TSC22D3: variants seen among roughly 807,000 people sequenced by gnomAD.
TSC22D3 encodes the protein TSC22 domain family member 3, also known as TSC22 domain family protein 3.
A neutral mutation model predicts 11.1 loss-of-function variants in TSC22D3; 4 were observed. The ratio of observed to expected loss-of-function variants is 0.36; its 90% CI spans 0.18 to 0.83. TSC22D3 has a LOEUF of 0.83. Among genes scored for constraint, TSC22D3 ranks in the 40% least tolerant of loss-of-function variants. TSC22D3 has a pLI of 0.48. For missense variants in TSC22D3, 118 were observed against 159.4 expected, an observed-to-expected ratio of 0.74 and a Z score of 1.40; for synonymous variants, 77 against 70.3, an observed-to-expected ratio of 1.10 and a Z score of -0.48.
rs146918220 is a variant in TSC22D3 at position 107,723,852 on chromosome X, G to A, written c.321-7902C>T. On this transcript the variant is annotated intron_variant, in intron 1 of 2. Transcript: ENST00000372383. The stretch of plus-strand genomic sequence containing the variant: ...CAGGAGGATCTTGTTGGGGATGGGG[G>A]TGCAGCAGACGAGGGGCTTGTGAAG... 8.3e-3 allele frequency among the ~76,000 whole-genome samples: 936 copies of A among 112,762 alleles called. 7 individuals carry two copies. Among genetic ancestry groups the A allele is most frequent in the Non-Finnish European group, 0.014 (722 of 53,311 alleles).
intron 1 of TSC22D3, among the ~76,000 whole-genome samples, chrX:107,746,411 C>A (rs185021690): frequency 9.0e-6 from 1 of 111,378 alleles, no homozygotes; most frequent in East Asian, 2.8e-4. Context: ...CAGACAGACA[C>A]ACACACACAG....
chrX:107,756,921 C>T (rs1188121501), intron 1 of TSC22D3, among the ~76,000 whole-genome samples: 2 of 112,348 alleles, frequency 1.8e-5, no homozygotes, highest in Non-Finnish European at 3.8e-5. Flanking sequence ...CCTTGGAGCA[C>T]GTGGTGCCCC....
chrX:107,775,212 G>T lies in TSC22D3; in HGVS notation c.208C>A (p.Arg70=), dbSNP rs772278209. Residue 70 remains arginine, a synonymous_variant, in exon 1 of 3, where the codon CGG becomes AGG. Transcript: ENST00000372383. The part of the protein sequence containing the change: ...LNTDKLNSIM[R]QDSLEPVLRD... The stretch of plus-strand genomic sequence containing the variant: ...AGCACCGGCTCTAGCGAATCCTGCC[G>T]CATTATGCTGTTGAGCTTGTCGGTA... The T allele has an allele frequency of 1.7e-5, 20 of 1,210,487 alleles. No homozygotes were observed. The South Asian group carries it at 3.5e-4, about 21-fold the overall frequency.
At chrX:107,749,461 AT>A (rs113700523) in intron 1 of TSC22D3, among the ~76,000 whole-genome samples, 97 of 104,292 alleles carry the variant, frequency 9.3e-4, no homozygotes, top group African/African-American at 8.3e-4. Flanking sequence ...TAGAGTAGTG[AT>A]TTTTTTTTTT....
chrX:107,755,046 C>G (rs1334154505), intron 1 of TSC22D3, among the ~76,000 whole-genome samples: 6 of 111,981 alleles, frequency 5.4e-5, no homozygotes, highest in African/African-American at 2.0e-4. Context: ...ACAATCTCAG[C>G]TGTTACAGAG....
At position 107,739,501 on chromosome X, in the gene TSC22D3, C is replaced by T. The variant is rs182276797; in HGVS notation, c.321-23551G>A. 5.3e-5 allele frequency among the ~76,000 whole-genome samples: 6 copies of T among 112,422 alleles called. No homozygotes were observed. The East Asian group carries it at 1.7e-3, about 31-fold the overall frequency. On this transcript the variant is annotated intron_variant, in intron 1 of 2. Transcript: ENST00000372383. ...TTCCAGATATACTCAAGGTTGACCA[C>T]ACACACGCTGGGGAAACTGTGGCAA... is the stretch of plus-strand genomic sequence containing the variant.
chrX:107,766,681 T>C (rs759035861), intron 1 of TSC22D3, among the ~76,000 whole-genome samples: 2 of 111,419 alleles, frequency 1.8e-5, no homozygotes, highest in African/African-American at 6.5e-5. Flanking sequence ...TTACATTTAC[T>C]GCTGAGTGTG....
chrX:107,764,290 T>G (rs1192005049), intron 1 of TSC22D3, among the ~76,000 whole-genome samples: 1 of 112,273 alleles, frequency 8.9e-6, no homozygotes, highest in East Asian at 2.8e-4. Context: ...GTCTGGCACA[T>G]GAAAGTGTGC....
chrX:107,762,411 A>G (rs1929478366), intron 1 of TSC22D3, among the ~76,000 whole-genome samples: 1 of 112,179 alleles, frequency 8.9e-6, no homozygotes, highest in South Asian at 3.7e-4. Flanking sequence ...CTTATCTCCA[A>G]TGGAAATTTC....
At chrX:107,716,602 C>T in intron 1 of TSC22D3, 1 of 920,651 alleles carries the variant, frequency 1.1e-6, no homozygotes, top group Non-Finnish European at 1.4e-6. Flanking sequence ...GGACCGGCGG[C>T]ACACAGCTCG....
chrX:107,742,678 G>A (rs2147759026), intron 1 of TSC22D3, among the ~76,000 whole-genome samples: 1 of 111,475 alleles, frequency 9.0e-6, no homozygotes, highest in South Asian at 3.8e-4. Context: ...AGGCATCCAA[G>A]GTCCCTTGCA....
At chrX:107,773,627 A>C (rs1024342980) in intron 1 of TSC22D3, among the ~76,000 whole-genome samples, 141 of 112,216 alleles carry the variant, frequency 1.3e-3, no homozygotes, top group Non-Finnish European at 1.4e-3. Context: ...TATTTTAGAC[A>C]ATGAGATAAT....
intron 1 of TSC22D3, among the ~76,000 whole-genome samples, chrX:107,764,648 T>G (rs1929582822): frequency 9.0e-6 from 1 of 111,653 alleles, no homozygotes; most frequent in Admixed American, 9.5e-5. Flanking sequence ...CAGCAACTTT[T>G]TTTTCCAGAG....
At chrX:107,762,058 C>A (rs1422967137) in intron 1 of TSC22D3, among the ~76,000 whole-genome samples, 1 of 112,188 alleles carries the variant, frequency 8.9e-6, no homozygotes, top group Admixed American at 9.4e-5. Context: ...TCTCCACCAC[C>A]AAATTGTAAG....
chrX:107,728,236 T>C (rs1927735707), intron 1 of TSC22D3, among the ~76,000 whole-genome samples: 1 of 112,362 alleles, frequency 8.9e-6, no homozygotes, highest in Admixed American at 9.4e-5. Flanking sequence ...CATTCATGAA[T>C]TAGTCTTCTG....
intron 1 of TSC22D3, among the ~76,000 whole-genome samples, chrX:107,759,814 G>A (rs1041899527): frequency 2.7e-5 from 3 of 112,671 alleles, no homozygotes. Context: ...TGTAGCTGCC[G>A]GGCTAGGGTG....
chrX:107,746,796 G>C (rs768555743), intron 1 of TSC22D3, among the ~76,000 whole-genome samples: 16 of 112,417 alleles, frequency 1.4e-4, no homozygotes, highest in Non-Finnish European at 2.4e-4. Context: ...AAGGCAAAAG[G>C]AGTCTGCGCT....
intron 1 of TSC22D3, among the ~76,000 whole-genome samples, chrX:107,737,185 A>G (rs1928179448): frequency 8.9e-6 from 1 of 111,819 alleles, no homozygotes; most frequent in South Asian, 3.8e-4. Flanking sequence ...CCCTGGACCA[A>G]TGGGGGACAA....
chrX:107,748,888 A>C (rs1928797548), intron 1 of TSC22D3, among the ~76,000 whole-genome samples: 1 of 112,037 alleles, frequency 8.9e-6, no homozygotes, highest in South Asian at 3.7e-4. Flanking sequence ...GCAGAGTGCC[A>C]ACCTGTCTGC....
Sources: gnomAD v4.1 joint callset for allele counts (sites outside exome capture counted in the v4.1 genomes callset) on GRCh38, gnomAD v4.1.1 for gene constraint, MANE v1.5 for transcripts, NCBI Gene and HGNC (gene_info 2026-07-23, HGNC 2026-07-21) for gene names.